BLTP1: variants seen among roughly 807,000 people sequenced by gnomAD.
The protein encoded by BLTP1 is fragile site-associated protein.
chr4:122,221,912 A>C, the BLTP1 span: 2 of 984,208 alleles, frequency 2.0e-6, no homozygotes, highest in Non-Finnish European at 2.4e-6. Flanking sequence ...TGCACTTTTA[A>C]AAGGCTTTTC....
At chr4:122,319,445 A>AT in the BLTP1 span, among the ~76,000 whole-genome samples, 5 of 145,372 alleles carry the variant, frequency 3.4e-5, no homozygotes, top group Non-Finnish European at 7.6e-5. Context: ...TTCTCTTTAG[A>AT]TTTTTTTCTT....
At chr4:122,223,245 TA>T in the BLTP1 span, 26 of 651,324 alleles carry the variant, frequency 4.0e-5, no homozygotes, top group East Asian at 5.5e-4. Flanking sequence ...CCCTTATCCT[TA>T]AAAAAAATTT....
chr4:122,335,943 T>C, the BLTP1 span: 1 of 326,612 alleles, frequency 3.1e-6, no homozygotes. Context: ...AACCAAAATA[T>C]AAAGCTGAAA....
the BLTP1 span, chr4:122,235,272 G>T: frequency 2.3e-6 from 2 of 885,378 alleles, no homozygotes; most frequent in African/African-American, 3.6e-5. Flanking sequence ...TTTCCTCACA[G>T]AATTTTTTCT....
chr4:122,213,242 T>G, the BLTP1 span, among the ~76,000 whole-genome samples: 1 of 152,270 alleles, frequency 6.6e-6, no homozygotes, highest in African/African-American at 2.4e-5. Context: ...TCCTGCCATG[T>G]TGCCCAGATT....
At chr4:122,247,807 A>C in the BLTP1 span, 5 of 990,856 alleles carry the variant, frequency 5.0e-6, no homozygotes, top group Non-Finnish European at 6.0e-6. Context: ...CATTCCTCTT[A>C]AAGTCCCTAG....
At chr4:122,194,106 C>G in the BLTP1 span, among the ~76,000 whole-genome samples, 1 of 152,172 alleles carries the variant, frequency 6.6e-6, no homozygotes, top group African/African-American at 2.4e-5. Context: ...TCGTGATCCG[C>G]CCGCTTCGGC....
the BLTP1 span, among the ~76,000 whole-genome samples, chr4:122,285,003 AAG>A: frequency 6.6e-6 from 1 of 152,204 alleles, no homozygotes; most frequent in Admixed American, 6.5e-5. Context: ...TATTACCAGA[AAG>A]AGAAGCATTT....
At chr4:122,288,155 A>G in the BLTP1 span, among the ~76,000 whole-genome samples, 3 of 152,196 alleles carry the variant, frequency 2.0e-5, no homozygotes, top group Admixed American at 2.0e-4. Context: ...TTAACTAATT[A>G]GTTTATTAAC....
At chr4:122,205,195 C>T in the BLTP1 span, among the ~76,000 whole-genome samples, 1 of 151,882 alleles carries the variant, frequency 6.6e-6, no homozygotes, top group Admixed American at 6.6e-5. Flanking sequence ...CTTTAAAATA[C>T]AAGGAAAACT....
chr4:122,240,888 A>G, the BLTP1 span, among the ~76,000 whole-genome samples: 1 of 152,356 alleles, frequency 6.6e-6, no homozygotes, highest in South Asian at 2.1e-4. Flanking sequence ...ATGAAATACT[A>G]TACTTATTTG....
the BLTP1 span, chr4:122,267,051 A>ATTATTTTTTTTTTTTTTTTT: frequency 2.2e-5 from 3 of 138,564 alleles, no homozygotes; most frequent in African/African-American, 2.1e-4. Context: ...TAAGGAAGTA[A>ATTATTTTTTTTTTTTTTTTT]TTTTTTTTTT....
the BLTP1 span, chr4:122,331,415 T>C: frequency 6.2e-7 from 1 of 1,611,980 alleles, no homozygotes; most frequent in South Asian, 1.1e-5. Context: ...AATAGAAGTC[T>C]TAGTGGCACA....
chr4:122,342,059 T>A, the BLTP1 span, among the ~76,000 whole-genome samples: 1 of 152,188 alleles, frequency 6.6e-6, no homozygotes, highest in Non-Finnish European at 1.5e-5. Flanking sequence ...CACTGAAAGG[T>A]TAAGCAAGGG....
the BLTP1 span, chr4:122,174,436 G>A: frequency 1.4e-6 from 2 of 1,410,514 alleles, no homozygotes; most frequent in South Asian, 1.4e-5. Flanking sequence ...AAATCAGTAA[G>A]GCTGTAAGGG....
chr4:122,352,958 G>T, the BLTP1 span: 3 of 1,614,030 alleles, frequency 1.9e-6, no homozygotes, highest in Non-Finnish European at 1.7e-6. Flanking sequence ...GTGGTATCAG[G>T]ATGCCACATA....
At chr4:122,299,423 G>A in the BLTP1 span, among the ~76,000 whole-genome samples, 1 of 152,180 alleles carries the variant, frequency 6.6e-6, no homozygotes, top group Non-Finnish European at 1.5e-5. Flanking sequence ...ACAGGGATGT[G>A]TAAGAGGGCT....
chr4:122,177,406 A>T, the BLTP1 span, among the ~76,000 whole-genome samples: 1 of 152,206 alleles, frequency 6.6e-6, no homozygotes, highest in African/African-American at 2.4e-5. Context: ...TTGTTCCTCA[A>T]CCTGCTCTTA....
chr4:122,211,974 C>T, the BLTP1 span: 1 of 647,548 alleles, frequency 1.5e-6, no homozygotes, highest in Admixed American at 6.3e-5. Context: ...CTTTCAACAA[C>T]TTAAGAAATT....
Sources: allele counts gnomAD v4.1 joint callset (sites outside exome capture counted in the v4.1 genomes callset), GRCh38; gene constraint gnomAD v4.1.1; transcripts MANE v1.5; gene names NCBI Gene and HGNC (gene_info 2026-07-23, HGNC 2026-07-21).